The following PRKAA2 variants were observed in gnomAD, a reference collection of about 807,000 sequenced individuals.
PRKAA2 encodes 5'-AMP-activated protein kinase catalytic subunit alpha-2.
A neutral mutation model predicts 56.3 loss-of-function variants in PRKAA2; 40 were observed. The observed-to-expected ratio is 0.71, with a 90% CI of 0.55 to 0.92. The LOEUF (loss-of-function observed/expected upper bound fraction) is 0.92, where lower values mean the gene tolerates loss of function less well. Ranked by LOEUF, PRKAA2 falls within the 40% of genes least tolerant of loss-of-function variation. PRKAA2 has a pLI of 0.00. For missense variants in PRKAA2, 542 were observed against 686.9 expected (o/e 0.79, Z 2.36); for synonymous variants, 214 against 234.2 (o/e 0.91, Z 0.79).
intron 1 of PRKAA2, among the ~76,000 whole-genome samples, chr1:56,670,325 C>T (rs1644066086): frequency 6.6e-6 from 1 of 152,144 alleles, no homozygotes; most frequent in Non-Finnish European, 1.5e-5. Flanking sequence ...AAAGTCTGAG[C>T]AGGTGATGTA....
At chr1:56,651,392 G>A (rs1357569977) in intron 1 of PRKAA2, among the ~76,000 whole-genome samples, 2 of 152,094 alleles carry the variant, frequency 1.3e-5, no homozygotes, top group Non-Finnish European at 2.9e-5. Flanking sequence ...AATCCTCTAA[G>A]TTTGGTATTA....
Position 56,707,561 on chromosome 1 carries a change from G to C in PRKAA2, c.1507G>C (p.Asp503His), listed in dbSNP as rs1470118543. ...CTTACACAGACCAAGATCAAGTTTT[G>C]ATTCCACAACTGCAGAGAGCCATTC... ...AGLHRPRSSFDSTTAESHSLS... is the reference protein window; with the variant it reads ...AGLHRPRSSFHSTTAESHSLS... Residue 503 changes from aspartate to histidine, a missense_variant, in exon 9 of 9, where the codon GAT becomes CAT. Transcript: ENST00000371244. 6.2e-7 allele frequency: 1 copy of C among 1,614,012 alleles called. No individual in the cohort carries two copies. The highest frequency in any genetic ancestry group is 1.3e-5 in the African/African-American group (1 of 74,898).
rs1264944372 is a variant in PRKAA2 at position 56,706,205 on chromosome 1, T to C, written c.1407T>C (p.Phe469=). ...ATAACAGGAGCTATCTTTTGGACTT[T>C]AAAAGCATTGATGGTAAGGAAGCTA... ...LVDNRSYLLD[F]KSIDDEVVEQ... is the part of the protein sequence containing the mutation. Residue 469 remains phenylalanine, a synonymous_variant, in exon 8 of 9, where the codon TTT becomes TTC. Transcript: ENST00000371244. The C allele has an allele frequency of 6.2e-7, 1 of 1,613,254 alleles. No homozygotes were observed. Among genetic ancestry groups the C allele is most frequent in the East Asian group, 2.2e-5 (1 of 44,864 alleles).
chr1:56,690,435 C>T (rs1032460774), intron 2 of PRKAA2, among the ~76,000 whole-genome samples: 2 of 152,162 alleles, frequency 1.3e-5, no homozygotes, highest in Non-Finnish European at 2.9e-5. Context: ...TCCCAAAGTG[C>T]TGGGATTACA....
chr1:56,695,873 A>G (rs541648630), intron 5 of PRKAA2, 62 bp from the exon 6 acceptor site: 3 of 1,376,706 alleles, frequency 2.2e-6, no homozygotes, highest in African/African-American at 2.9e-5. Context: ...ATATAGAAGT[A>G]GGGTACATAG....
intron 2 of PRKAA2, among the ~76,000 whole-genome samples, chr1:56,689,480 G>A (rs754565956): frequency 6.6e-5 from 10 of 152,152 alleles, no homozygotes; most frequent in Non-Finnish European, 1.3e-4. Context: ...CATTTTGGGA[G>A]GCCAAGGCGG....
At chr1:56,684,782 T>C (rs1644179751) in intron 2 of PRKAA2, among the ~76,000 whole-genome samples, 1 of 151,652 alleles carries the variant, frequency 6.6e-6, no homozygotes, top group African/African-American at 2.4e-5. Context: ...GAATATGAGA[T>C]AAAAAAGGGG....
chr1:56,658,687 C>T (rs1284690528), intron 1 of PRKAA2, among the ~76,000 whole-genome samples: 2 of 149,832 alleles, frequency 1.3e-5, no homozygotes, highest in Non-Finnish European at 3.0e-5. Context: ...TCATAGCTCA[C>T]TGTAATCTCG....
In PRKAA2 at chr1:56,704,397, A is replaced by G. The variant is rs1557564171; in HGVS notation, c.1215A>G (p.Gly405=). 7.4e-6 allele frequency: 12 copies of G among 1,614,164 alleles called. No individual in the cohort carries two copies. The East Asian group carries it at 2.5e-4, about 33-fold the overall frequency. Residue 405 remains glycine, a synonymous_variant, in exon 7 of 9, where the codon GGA becomes GGG. Coordinates refer to ENST00000371244, the MANE Select transcript of PRKAA2 (RefSeq NM_006252.4). Reference sequence around the variant, plus strand: ...TGAAAAAAGCCAAGTGGCATCTTGGAATCCGAAGTCAGAGCAAACCGTATG... The same window carrying G: ...TGAAAAAAGCCAAGTGGCATCTTGGGATCCGAAGTCAGAGCAAACCGTATG... ...LAVKKAKWHL[G]IRSQSKPYDI...
chr1:56,680,466 G>A (rs1006965079), intron 2 of PRKAA2, among the ~76,000 whole-genome samples: 1 of 151,830 alleles, frequency 6.6e-6, no homozygotes, highest in Non-Finnish European at 1.5e-5. Flanking sequence ...CCATTAACTC[G>A]TCATTTACAT....
chr1:56,678,273 G>A (rs1424064411), intron 2 of PRKAA2, among the ~76,000 whole-genome samples: 2 of 152,290 alleles, frequency 1.3e-5, no homozygotes, highest in East Asian at 3.9e-4. Flanking sequence ...TACAGAAGAA[G>A]CTTATTGACA....
chr1:56,713,752 A>AT lies in PRKAA2; in HGVS notation c.*6044dup, dbSNP rs1224319390. The AT allele has an allele frequency of 7.4e-5, 11 of 148,356 alleles. No homozygotes were observed. Among genetic ancestry groups the AT allele is most frequent in the African/African-American group, 2.7e-4 (11 of 40,206 alleles). The allele number at this position is 148,356 out of a possible 1,614,324, so 9.2% of individuals were successfully genotyped here. A position where few individuals can be genotyped will look rare whatever the true frequency, so the allele number is the denominator to read the frequency against. On this transcript the variant is annotated 3_prime_UTR_variant, in exon 9 of 9. Transcript: ENST00000371244. ...TTTTTTTCTACTAATTTAAACGTGC[A>AT]TTTTTCACAGTTACACATTTAAGTT... is the stretch of plus-strand genomic sequence containing the variant.
At chr1:56,645,913 C>T (rs1190791166) in intron 1 of PRKAA2, among the ~76,000 whole-genome samples, 1 of 152,190 alleles carries the variant, frequency 6.6e-6, no homozygotes, top group African/African-American at 2.4e-5. Context: ...CCGTTTCGTG[C>T]CGGGTGCCCT....
intron 4 of PRKAA2, 39 bp downstream of exon 4, chr1:56,692,541 C>A (rs767777182): frequency 6.3e-7 from 1 of 1,586,154 alleles, no homozygotes; most frequent in South Asian, 1.1e-5. Context: ...GTACTAGCTA[C>A]CTTTTAAAGC....
intron 1 of PRKAA2, among the ~76,000 whole-genome samples, chr1:56,647,592 A>G (rs1646653633): frequency 6.6e-6 from 1 of 152,216 alleles, no homozygotes. Flanking sequence ...AACCAGTTGA[A>G]GGAGTTTTCC....
chr1:56,663,380 C>T (rs571842455), intron 1 of PRKAA2, among the ~76,000 whole-genome samples: 7 of 152,266 alleles, frequency 4.6e-5, no homozygotes, highest in East Asian at 3.9e-4. Flanking sequence ...TGAGCCACTG[C>T]GCCTAGCCCA....
chr1:56,679,357 C>T (rs187580291), intron 2 of PRKAA2, among the ~76,000 whole-genome samples: 6 of 152,162 alleles, frequency 3.9e-5, no homozygotes, highest in South Asian at 2.1e-4. Flanking sequence ...AATTGTTTAT[C>T]GGATGTTCAC....
chr1:56,672,093 A>G (rs1463493060), intron 1 of PRKAA2, among the ~76,000 whole-genome samples: 1 of 151,868 alleles, frequency 6.6e-6, no homozygotes, highest in Non-Finnish European at 1.5e-5. Context: ...AGAGGAGGAG[A>G]ATGCTGAATG....
intron 1 of PRKAA2, among the ~76,000 whole-genome samples, chr1:56,670,141 G>A (rs2746343): frequency 0.21 from 32,582 of 152,046 alleles, 4,011 homozygotes; most frequent in South Asian, 0.46. Flanking sequence ...ATTAAAATTT[G>A]TTTCCATCAA....
Sources: gnomAD v4.1 joint callset for allele counts (sites outside exome capture counted in the v4.1 genomes callset) on GRCh38, gnomAD v4.1.1 for gene constraint, MANE v1.5 for transcripts, NCBI Gene and HGNC (gene_info 2026-07-23, HGNC 2026-07-21) for gene names.